Variants in GMFG observed in about 807,000 individuals in gnomAD.
GMFG encodes the protein glia maturation factor gamma.
A neutral mutation model predicts 26.1 loss-of-function variants in GMFG; 21 were observed. That is an observed-to-expected ratio of 0.80 (90% CI 0.57 to 1.16). The LOEUF (loss-of-function observed/expected upper bound fraction) is 1.16. Ranked by LOEUF, GMFG falls within the 50% of genes most tolerant of loss-of-function variation. The probability of loss-of-function intolerance (pLI) is 0.00; values close to 1 mark genes in which losing one functional copy is unlikely to be tolerated. For synonymous variants in GMFG, 65 were observed against 60.8 expected, an observed-to-expected ratio of 1.07 and a Z score of -0.32; for missense variants, 161 against 178.3, an observed-to-expected ratio of 0.90 and a Z score of 0.55.
chr19:39,328,681 C>A, intron 6 of GMFG, 133 bp from the exon 7 acceptor site: 2 of 677,796 alleles, frequency 3.0e-6, no homozygotes, highest in Non-Finnish European at 5.3e-6. Context: ...GAGTTCGAGA[C>A]CAGCCTGGCC....
chr19:39,330,628 A>C (rs2075222591), intron 4 of GMFG, among the ~76,000 whole-genome samples: 1 of 141,806 alleles, frequency 7.1e-6, no homozygotes, highest in Non-Finnish European at 1.5e-5. Context: ...ACAGGGTCTC[A>C]CTTTGTCACC....
At chr19:39,329,760 G>T in intron 4 of GMFG, 134 bp from the exon 5 acceptor site, 1 of 673,930 alleles carries the variant, frequency 1.5e-6, no homozygotes, top group South Asian at 1.6e-5. Flanking sequence ...TCAGGGTACT[G>T]ACCTCAAACA....
chr19:39,335,170 C>T (rs926302357), intron 3 of GMFG, 91 bp downstream of exon 3: 2 of 1,014,616 alleles, frequency 2.0e-6, no homozygotes, highest in East Asian at 2.4e-5. Flanking sequence ...GTCTTTCTAC[C>T]CCCATGCCAG....
intron 3 of GMFG, among the ~76,000 whole-genome samples, chr19:39,334,652 T>C (rs1185029658): frequency 2.0e-5 from 3 of 152,172 alleles, no homozygotes; most frequent in South Asian, 2.1e-4. Flanking sequence ...CATCACCTTA[T>C]TGAGCACATA....
chr19:39,331,585 C>T (rs921946525), intron 4 of GMFG, among the ~76,000 whole-genome samples: 11 of 152,264 alleles, frequency 7.2e-5, no homozygotes, highest in Admixed American at 5.9e-4. Context: ...CATGTGACTT[C>T]GCCCAGGATT....
At chr19:39,333,193 C>G (rs769440764) in intron 3 of GMFG, 67 bp from the exon 4 acceptor site, 40 of 941,776 alleles carry the variant, frequency 4.2e-5, no homozygotes, top group Non-Finnish European at 6.3e-5. Flanking sequence ...ACCTGTAATC[C>G]CAGCACTTTG....
chr19:39,329,873 G>C (rs1242358934), intron 4 of GMFG, among the ~76,000 whole-genome samples: 1 of 152,176 alleles, frequency 6.6e-6, no homozygotes, highest in African/African-American at 2.4e-5. Flanking sequence ...GAGATCAGGA[G>C]TTCGAGACCA....
Position 39,333,986 on chromosome 19 carries a change from AC to A in GMFG, c.151-861del, listed in dbSNP as rs1159067848. 1.5e-4 allele frequency among the ~76,000 whole-genome samples: 19 copies of A among 123,624 alleles called. No individual in the cohort carries two copies. The East Asian group carries it at 4.3e-3, about 28-fold the overall frequency. 81.1% of individuals were successfully genotyped at this position (123,624 alleles called of 152,430 possible). On this transcript the variant is annotated intron_variant, in intron 3 of 6. Coordinates refer to ENST00000597595, the MANE Select transcript of GMFG (RefSeq NM_004877.4). ...TGAGGCCACCAGGGGGGTGAGGTCT[AC>A]CCCCTTTTTTTTTTTTGTAGAGATG...
chr19:39,334,578 C>T (rs1285622047), intron 3 of GMFG, among the ~76,000 whole-genome samples: 1 of 151,788 alleles, frequency 6.6e-6, no homozygotes, highest in East Asian at 1.9e-4. Context: ...AGCTTTTTAA[C>T]TTATATGGAA....
At position 39,335,692 on chromosome 19, in the gene GMFG, C is replaced by A. The variant is rs79312437; in HGVS notation, c.4-161G>T. The A allele has an allele frequency of 0.013, 8,176 of 652,288 alleles. 385 individuals carry two copies. Among genetic ancestry groups the A allele is most frequent in the African/African-American group, 0.12 (6,462 of 55,616 alleles). 40.4% of individuals were successfully genotyped at this position (652,288 alleles called of 1,614,324 possible). On this transcript the variant is annotated intron_variant, in intron 1 of 6. Coordinates refer to ENST00000597595, the MANE Select transcript of GMFG (RefSeq NM_004877.4). Reference sequence around the variant, plus strand: ...GGCACCCTTCCCACAGAGTAGATACCCCTCACCAGGGCACTCAGCTTGGGG... The same window carrying A: ...GGCACCCTTCCCACAGAGTAGATACACCTCACCAGGGCACTCAGCTTGGGG...
At chr19:39,331,376 T>C (rs1004041994) in intron 4 of GMFG, among the ~76,000 whole-genome samples, 1 of 152,208 alleles carries the variant, frequency 6.6e-6, no homozygotes, top group Non-Finnish European at 1.5e-5. Flanking sequence ...AAGGTGACCG[T>C]TAACCCCCAT....
chr19:39,329,994 G>A (rs1229888967), intron 4 of GMFG, among the ~76,000 whole-genome samples: 3 of 152,062 alleles, frequency 2.0e-5, no homozygotes, highest in Non-Finnish European at 4.4e-5. Flanking sequence ...CAGGAGAATC[G>A]CTTGAACTCA....
chr19:39,330,524 G>A (rs971165086), intron 4 of GMFG, among the ~76,000 whole-genome samples: 2 of 151,572 alleles, frequency 1.3e-5, no homozygotes, highest in Non-Finnish European at 2.9e-5. Context: ...GAACTCCTGG[G>A]CTCAAGCAAT....
intron 3 of GMFG, among the ~76,000 whole-genome samples, chr19:39,334,346 G>T (rs1212314655): frequency 6.6e-6 from 1 of 151,852 alleles, no homozygotes; most frequent in African/African-American, 2.4e-5. Flanking sequence ...TGCCCAGGTT[G>T]GTCTCAAAAC....
chr19:39,335,262 T>C lies in GMFG; in HGVS notation c.149A>G (p.Gln50Arg). The C allele has an allele frequency of 5.1e-6, 8 of 1,557,138 alleles. No homozygotes were observed. The highest frequency in any genetic ancestry group is 7.0e-6 in the Non-Finnish European group (8 of 1,150,588). The change falls in exon 3 of 7, where the codon CAG (glutamine) becomes CGG (arginine). Residue 50 changes from glutamine to arginine, a missense_variant and splice_region_variant. By Grantham distance (43) the Gln-to-Arg change is conservative (BLOSUM62 1). Transcript: ENST00000597595. ...RQMVVLEEEF[Q>R]NISPEELKME... The stretch of plus-strand genomic sequence containing the variant: ...GTCCCAATCACCCCAGCCCATCACC[T>C]GAAATTCTTCCTCCAGCACCACCAT...
Position 39,335,997 on chromosome 19 carries a change from T to A in GMFG, c.-21A>T, listed in dbSNP as rs2075248443. 6.3e-7 allele frequency: 1 copy of A among 1,599,484 alleles called. No individual in the cohort carries two copies. Among genetic ancestry groups the A allele is most frequent in the South Asian group, 1.1e-5 (1 of 90,708 alleles). ...ACCATGATTGTTCTGTCCACAGGCCTCTTCTTTTCTTAGTTCCGCTGTCTT... is the reference window on the plus strand; with the variant it reads ...ACCATGATTGTTCTGTCCACAGGCCACTTCTTTTCTTAGTTCCGCTGTCTT... On this transcript the variant is annotated 5_prime_UTR_variant, in exon 1 of 7. Transcript: ENST00000597595.
rs2075246676 is a variant in GMFG, at chr19:39,335,662, GA to G, written c.4-132del. The stretch of plus-strand genomic sequence containing the variant: ...CATCTGATGCCTTTGTGAACATTGA[GA>G]AAAGGCACCCTTCCCACAGAGTAGA... On this transcript the variant is annotated intron_variant, in intron 1 of 6. Coordinates refer to ENST00000597595, the MANE Select transcript of GMFG (RefSeq NM_004877.4). 2.2e-5 allele frequency: 16 copies of G among 717,898 alleles called. 1 individual carries two copies. The Middle Eastern group carries it at 1.9e-3, about 86-fold the overall frequency. 44.5% of individuals were successfully genotyped at this position (717,898 alleles called of 1,614,324 possible).
chr19:39,329,758 C>A, intron 4 of GMFG, 132 bp from the exon 5 acceptor site: 1 of 680,036 alleles, frequency 1.5e-6, no homozygotes, highest in Non-Finnish European at 2.7e-6. Flanking sequence ...ACTCAGGGTA[C>A]TGACCTCAAA....
rs2145059170 is a variant in GMFG, at chr19:39,335,428, C to T, written c.100+7G>A. 2 of 1,608,068 alleles carry T rather than the reference C, an allele frequency of 1.2e-6. No homozygotes were observed. The highest frequency in any genetic ancestry group is 1.7e-6 in the Non-Finnish European group (2 of 1,174,498). Reference sequence around the variant, plus strand: ...CCCATCCTTCTGTGGGGGAAGATGTCACTCACTTATGATGGCTGCATTGTC... The same window carrying T: ...CCCATCCTTCTGTGGGGGAAGATGTTACTCACTTATGATGGCTGCATTGTC... On this transcript the variant is annotated splice_region_variant and intron_variant, in intron 2 of 6. Coordinates refer to ENST00000597595, the MANE Select transcript of GMFG (RefSeq NM_004877.4).
Sources: allele counts gnomAD v4.1 joint callset (sites outside exome capture counted in the v4.1 genomes callset), GRCh38; gene constraint gnomAD v4.1.1; transcripts MANE v1.5; gene names NCBI Gene and HGNC (gene_info 2026-07-23, HGNC 2026-07-21).